GRM7: variants seen among roughly 807,000 people sequenced by gnomAD.
The protein encoded by GRM7 is metabotropic glutamate receptor 7.
In GRM7, 35 loss-of-function variants were observed where a neutral mutation model predicts 84.5. The ratio of observed to expected loss-of-function variants is 0.41; its 90% CI spans 0.32 to 0.55. GRM7 has a LOEUF of 0.55. GRM7 is among the 20% of genes least tolerant of loss of function. GRM7 has a pLI of 0.19. For missense variants in GRM7, 1,003 were observed against 1,194.6 expected (o/e 0.84, Z 2.36); for synonymous variants, 487 against 455.1 (o/e 1.07, Z -0.89).
chr3:7,268,661 G>C (rs1230057554), intron 2 of GRM7, among the ~76,000 whole-genome samples: 2 of 152,150 alleles, frequency 1.3e-5, no homozygotes, highest in Non-Finnish European at 2.9e-5. Flanking sequence ...GCCTAGAAAA[G>C]CAGAAACAGT....
At chr3:6,974,033 A>G (rs1693882789) in intron 1 of GRM7, among the ~76,000 whole-genome samples, 1 of 152,208 alleles carries the variant, frequency 6.6e-6, no homozygotes, top group South Asian at 2.1e-4. Context: ...CTCAGACCAG[A>G]GTGCAAACTT....
chr3:7,664,585 C>A (rs529962773), intron 8 of GRM7, among the ~76,000 whole-genome samples: 3 of 152,274 alleles, frequency 2.0e-5, no homozygotes, highest in African/African-American at 4.8e-5. Flanking sequence ...TAGGTATACA[C>A]GTGCAATGGT....
chr3:6,868,782 T>G (rs772646814), intron 1 of GRM7, among the ~76,000 whole-genome samples: 1 of 152,172 alleles, frequency 6.6e-6, no homozygotes, highest in Non-Finnish European at 1.5e-5. Context: ...CATTAATGTT[T>G]GTGTGGGCCG....
intron 1 of GRM7, among the ~76,000 whole-genome samples, chr3:7,069,469 T>C (rs2124981787): frequency 6.6e-6 from 1 of 152,186 alleles, no homozygotes; most frequent in South Asian, 2.1e-4. Context: ...AGTAAGAGAA[T>C]TGAGTTAAGG....
chr3:7,550,569 CTCTCTCTCTG>C lies in GRM7; in HGVS notation c.1516-27851_1516-27842del, dbSNP rs751314968. 4.0e-3 allele frequency among the ~76,000 whole-genome samples: 387 copies of C among 96,790 alleles called. 6 individuals carry two copies. Among genetic ancestry groups the C allele is most frequent in the East Asian group, 0.036 (128 of 3,508 alleles). 63.5% of individuals were successfully genotyped at this position (96,790 alleles called of 152,430 possible). A position where few individuals can be genotyped will look rare whatever the true frequency, so the allele number is the denominator to read the frequency against. On this transcript the variant is annotated intron_variant, in intron 7 of 9. Transcript: ENST00000357716. ...TTCTTCTCTCTCTCTCTCTCTCTCTCTCTCTCTCTGTGTGTGTGTGTGTGTGTGTGTGTGT... is the reference window on the plus strand; with the variant it reads ...TTCTTCTCTCTCTCTCTCTCTCTCTCTGTGTGTGTGTGTGTGTGTGTGTGT...
At chr3:7,021,580 T>C (rs562412609) in intron 1 of GRM7, among the ~76,000 whole-genome samples, 15 of 152,338 alleles carry the variant, frequency 9.8e-5, no homozygotes, top group Admixed American at 8.5e-4. Context: ...TTCTGATGAA[T>C]GAACTAAAGA....
At chr3:7,014,675 G>T (rs1487736291) in intron 1 of GRM7, among the ~76,000 whole-genome samples, 1 of 152,104 alleles carries the variant, frequency 6.6e-6, no homozygotes, top group African/African-American at 2.4e-5. Flanking sequence ...ACTGTGTTCT[G>T]CCTCAAGTCA....
chr3:7,275,928 C>G (rs560415577), intron 2 of GRM7, among the ~76,000 whole-genome samples: 53 of 152,106 alleles, frequency 3.5e-4, no homozygotes, highest in African/African-American at 1.2e-3. Flanking sequence ...AGTAATTACA[C>G]TTCAGGTTTT....
intron 1 of GRM7, among the ~76,000 whole-genome samples, chr3:7,117,935 T>G (rs1384084964): frequency 6.6e-6 from 1 of 152,166 alleles, no homozygotes; most frequent in East Asian, 1.9e-4. Flanking sequence ...TAGGACCATT[T>G]TGGTTTATCT....
chr3:7,237,759 G>T (rs1357640988), intron 2 of GRM7, among the ~76,000 whole-genome samples: 5 of 152,140 alleles, frequency 3.3e-5, no homozygotes, highest in African/African-American at 1.2e-4. Context: ...GCCACTGCTG[G>T]CTCCAGTGGC....
At chr3:7,634,237 G>C (rs899646235) in intron 8 of GRM7, among the ~76,000 whole-genome samples, 1 of 152,050 alleles carries the variant, frequency 6.6e-6, no homozygotes, top group Non-Finnish European at 1.5e-5. Context: ...GTTAGCTAAA[G>C]CAAGTAGTTT....
intron 1 of GRM7, among the ~76,000 whole-genome samples, chr3:7,058,538 T>A (rs1362906856): frequency 6.6e-6 from 1 of 151,926 alleles, no homozygotes; most frequent in Non-Finnish European, 1.5e-5. Flanking sequence ...TTCATTAATA[T>A]ATTAATGGTG....
intron 1 of GRM7, among the ~76,000 whole-genome samples, chr3:6,864,747 G>A (rs1237209234): frequency 1.3e-5 from 2 of 152,170 alleles, no homozygotes; most frequent in Non-Finnish European, 2.9e-5. Context: ...AATGGGGGGT[G>A]CTGAGCACTG....
At position 7,404,870 on chromosome 3, in the gene GRM7, A is replaced by G. The variant is rs192971564; in HGVS notation, c.1034-10153A>G. Among the ~76,000 whole-genome samples the G allele has an allele frequency of 9.8e-5, 15 of 152,294 alleles. No individual in the cohort carries two copies. The East Asian group carries it at 2.9e-3, about 29-fold the overall frequency. On this transcript the variant is annotated intron_variant, in intron 4 of 9. Coordinates refer to ENST00000357716, the MANE Select transcript of GRM7 (RefSeq NM_000844.4). ...ATATAATCAATAAAAAATGTTTGCAATACACCCTATTGGTCTTGGTTTTCT... is the reference window on the plus strand; with the variant it reads ...ATATAATCAATAAAAAATGTTTGCAGTACACCCTATTGGTCTTGGTTTTCT...
chr3:7,079,299 T>C lies in GRM7; in HGVS notation c.520-67153T>C, dbSNP rs191399979. Reference sequence around the variant, plus strand: ...AGTCATTTCATCTTCTGTATCTATTTTGTCAGCTCTTAAATGAGAATAATG... The same window carrying C: ...AGTCATTTCATCTTCTGTATCTATTCTGTCAGCTCTTAAATGAGAATAATG... On this transcript the variant is annotated intron_variant, in intron 1 of 9. Coordinates refer to ENST00000357716, the MANE Select transcript of GRM7 (RefSeq NM_000844.4). Among the ~76,000 whole-genome samples the C allele has an allele frequency of 2.3e-3, 355 of 152,234 alleles. 2 individuals are homozygous for C. Among genetic ancestry groups the C allele is most frequent in the African/African-American group, 8.3e-3 (344 of 41,556 alleles).
At chr3:7,122,981 C>CT (rs1693275076) in intron 1 of GRM7, among the ~76,000 whole-genome samples, 1 of 152,140 alleles carries the variant, frequency 6.6e-6, no homozygotes. Context: ...AAAAGGTCTC[C>CT]TTTTCCCTGT....
chr3:7,480,015 C>A (rs1699068949), intron 7 of GRM7, among the ~76,000 whole-genome samples: 1 of 152,138 alleles, frequency 6.6e-6, no homozygotes, highest in South Asian at 2.1e-4. Context: ...ACAATGGATA[C>A]CGCACTTGTC....
At chr3:7,391,209 T>G (rs552423517) in intron 4 of GRM7, among the ~76,000 whole-genome samples, 66 of 152,256 alleles carry the variant, frequency 4.3e-4, no homozygotes, top group Admixed American at 2.9e-3. Context: ...TTAATTTTGT[T>G]TAGTGATATA....
chr3:6,875,959 A>C (rs1398345831), intron 1 of GRM7, among the ~76,000 whole-genome samples: 2 of 152,112 alleles, frequency 1.3e-5, no homozygotes, highest in Non-Finnish European at 2.9e-5. Context: ...GGAAGCTGGT[A>C]GGTTGAATGG....
Sources: gnomAD v4.1 joint callset for allele counts (sites outside exome capture counted in the v4.1 genomes callset) on GRCh38, gnomAD v4.1.1 for gene constraint, MANE v1.5 for transcripts, NCBI Gene and HGNC (gene_info 2026-07-23, HGNC 2026-07-21) for gene names.